Variants in DPP10 observed in about 807,000 individuals in gnomAD.
DPP10 encodes the protein dipeptidyl peptidase like 10.
In DPP10, 33 loss-of-function variants were observed where a neutral mutation model predicts 120.9. The ratio of observed to expected loss-of-function variants is 0.27; its 90% CI spans 0.21 to 0.37. DPP10 has a LOEUF of 0.37. DPP10 is among the 10% of genes least tolerant of loss of function. DPP10 has a pLI of 1.00. For missense variants in DPP10, 816 were observed against 942.8 expected, an observed-to-expected ratio of 0.87 and a Z score of 1.76; for synonymous variants, 337 against 326.1, an observed-to-expected ratio of 1.03 and a Z score of -0.36.
intron 1 of DPP10, among the ~76,000 whole-genome samples, chr2:115,286,530 T>TATATATATA (rs2060405513): frequency 8.7e-6 from 1 of 114,558 alleles, no homozygotes; most frequent in Non-Finnish European, 1.9e-5. Flanking sequence ...ATATATAATA[T>TATATATATA]ATATATATAT....
At chr2:115,391,155 AACATAATC>A (rs2106541150) in intron 3 of DPP10, among the ~76,000 whole-genome samples, 1 of 152,316 alleles carries the variant, frequency 6.6e-6, no homozygotes, top group East Asian at 1.9e-4. Flanking sequence ...ATGACTTATC[AACATAATC>A]ATTTTTGGAT....
intron 1 of DPP10, among the ~76,000 whole-genome samples, chr2:114,587,301 C>CA (rs11364968): frequency 9.7e-6 from 1 of 103,174 alleles, no homozygotes; most frequent in Non-Finnish European, 1.9e-5. Context: ...AACTCCATCT[C>CA]AAAAAAAAAA....
intron 1 of DPP10, chr2:115,162,144 C>T (rs147298374): frequency 6.5e-7 from 1 of 1,533,662 alleles, no homozygotes; most frequent in Non-Finnish European, 8.8e-7. Flanking sequence ...CACCCTCCCC[C>T]GCCCCGCCCC....
At chr2:114,598,048 G>A (rs1431663763) in intron 1 of DPP10, among the ~76,000 whole-genome samples, 1 of 151,862 alleles carries the variant, frequency 6.6e-6, no homozygotes, top group African/African-American at 2.4e-5. Flanking sequence ...AATGAAACTG[G>A]AATTATTAAA....
At chr2:115,301,468 CTT>C (rs5833587) in intron 1 of DPP10, among the ~76,000 whole-genome samples, 3,219 of 135,942 alleles carry the variant, frequency 0.024, 82 homozygotes, top group African/African-American at 0.069. Context: ...AAGTGGGCTA[CTT>C]TTTTTTTTTT....
chr2:114,581,767 C>A (rs2105090627), intron 1 of DPP10, among the ~76,000 whole-genome samples: 1 of 152,196 alleles, frequency 6.6e-6, no homozygotes. Flanking sequence ...AAAAATGATC[C>A]TTTAATATAA....
intron 1 of DPP10, among the ~76,000 whole-genome samples, chr2:115,188,296 T>C (rs1192940273): frequency 6.6e-6 from 1 of 152,200 alleles, no homozygotes; most frequent in Non-Finnish European, 1.5e-5. Flanking sequence ...GGCAAAGAGC[T>C]AGTTGAGACT....
intron 7 of DPP10, among the ~76,000 whole-genome samples, chr2:115,716,804 A>G (rs900434842): frequency 6.6e-6 from 1 of 151,020 alleles, no homozygotes; most frequent in African/African-American, 2.5e-5. Flanking sequence ...AAGCTGTGGG[A>G]AAAATGTGCA....
At chr2:114,683,493 T>C (rs1032446019) in intron 1 of DPP10, among the ~76,000 whole-genome samples, 1 of 149,572 alleles carries the variant, frequency 6.7e-6, no homozygotes, top group African/African-American at 2.5e-5. Flanking sequence ...TTCCTTCCCT[T>C]CCCTTCCCTT....
At chr2:114,496,567 C>T (rs1188693710) in intron 1 of DPP10, among the ~76,000 whole-genome samples, 1 of 151,972 alleles carries the variant, frequency 6.6e-6, no homozygotes, top group Non-Finnish European at 1.5e-5. Context: ...TTTATGAGGG[C>T]ACTAATCCCA....
chr2:115,262,777 G>A (rs565668260), intron 1 of DPP10, among the ~76,000 whole-genome samples: 1 of 151,996 alleles, frequency 6.6e-6, no homozygotes, highest in Non-Finnish European at 1.5e-5. Flanking sequence ...TTACTGTACT[G>A]GCATCTACAT....
intron 1 of DPP10, among the ~76,000 whole-genome samples, chr2:114,863,324 A>G (rs1689971638): frequency 6.6e-6 from 1 of 152,290 alleles, no homozygotes; most frequent in South Asian, 2.1e-4. Flanking sequence ...TGGGAAACAC[A>G]TTTCTAGGAA....
chr2:115,664,543 A>G (rs146155687), intron 5 of DPP10, among the ~76,000 whole-genome samples: 2 of 152,316 alleles, frequency 1.3e-5, no homozygotes, highest in African/African-American at 4.8e-5. Context: ...ACTAATAATA[A>G]AATGGGGGCA....
intron 1 of DPP10, among the ~76,000 whole-genome samples, chr2:115,212,632 GTATT>G (rs1373876497): frequency 2.6e-5 from 4 of 152,020 alleles, no homozygotes; most frequent in Non-Finnish European, 4.4e-5. Flanking sequence ...AAGAAAAAAA[GTATT>G]TAACCTACTT....
chr2:115,242,389 G>A (rs1258364151), intron 1 of DPP10, among the ~76,000 whole-genome samples: 1 of 151,836 alleles, frequency 6.6e-6, no homozygotes, highest in East Asian at 1.9e-4. Flanking sequence ...ATATCCCACA[G>A]TTTTTTTATC....
intron 17 of DPP10, among the ~76,000 whole-genome samples, chr2:115,790,021 T>C (rs909552535): frequency 5.7e-4 from 87 of 152,236 alleles, no homozygotes; most frequent in African/African-American, 2.0e-3. Flanking sequence ...GTGTACAATA[T>C]GTATATATGC....
At chr2:114,663,263 TATATATATACACACAC>T (rs1697580329) in intron 1 of DPP10, among the ~76,000 whole-genome samples, 1 of 147,950 alleles carries the variant, frequency 6.8e-6, no homozygotes, top group African/African-American at 2.5e-5. Context: ...TATATATCTA[TATATATATACACACAC>T]ATATATGTAT....
In DPP10 at chr2:114,647,494, G is replaced by A. The variant is rs113159442; in HGVS notation, c.60+204656G>A. Among the ~76,000 whole-genome samples, 795 of 152,102 alleles carry A rather than the reference G, an allele frequency of 5.2e-3. 4 individuals are homozygous for A. Among genetic ancestry groups the A allele is most frequent in the Middle Eastern group, 0.017 (5 of 294 alleles). ...AGTGACTAATTTAATTGGATTTATAGGGCACTACATAATAATGATATCCTT... is the reference window on the plus strand; with the variant it reads ...AGTGACTAATTTAATTGGATTTATAAGGCACTACATAATAATGATATCCTT... On this transcript the variant is annotated intron_variant, in intron 1 of 25. Coordinates refer to ENST00000410059, the MANE Select transcript of DPP10 (RefSeq NM_020868.6).
intron 7 of DPP10, among the ~76,000 whole-genome samples, chr2:115,714,144 A>T (rs529215303): frequency 6.6e-6 from 1 of 152,308 alleles, no homozygotes; most frequent in East Asian, 1.9e-4. Flanking sequence ...TGTGAAAAAC[A>T]GTCCATTTTC....
Sources: gnomAD v4.1 joint callset for allele counts (sites outside exome capture counted in the v4.1 genomes callset) on GRCh38, gnomAD v4.1.1 for gene constraint, MANE v1.5 for transcripts, NCBI Gene and HGNC (gene_info 2026-07-23, HGNC 2026-07-21) for gene names.